ZNF398: variants seen among roughly 807,000 people sequenced by gnomAD.
The protein encoded by ZNF398 is zinc finger protein 398, also known as zinc finger DNA binding protein ZER6.
A neutral mutation model predicts 41.9 loss-of-function variants in ZNF398; 18 were observed. The ratio of observed to expected loss-of-function variants is 0.43; its 90% CI spans 0.30 to 0.64. ZNF398 has a LOEUF of 0.64. Ranked by LOEUF, ZNF398 falls within the 30% of genes least tolerant of loss-of-function variation. ZNF398 has a pLI of 0.14. For missense variants in ZNF398, 669 were observed against 822.8 expected (o/e 0.81, Z 2.29); for synonymous variants, 260 against 308.8 (o/e 0.84, Z 1.66).
At position 149,161,778 on chromosome 7, in the gene ZNF398, A is replaced by G. The variant is rs566396283; in HGVS notation, c.421-4380A>G. On this transcript the variant is annotated intron_variant, in intron 2 of 5. Transcript: ENST00000475153. ...GAATTAGTAGAAAAGCTAAGGACTT[A>G]GAAGAAATGAAGCTGCAGGTAATTA... Among the ~76,000 whole-genome samples, 10 of 151,536 alleles carry G rather than the reference A, an allele frequency of 6.6e-5. 1 individual carries two copies. In the East Asian group the frequency reaches 1.2e-3, roughly 18 times the overall value.
chr7:149,178,734 G>A lies in ZNF398; in HGVS notation c.862G>A (p.Ala288Thr), dbSNP rs1436163185. ...VPVPFSSPPA[A>T]AKDAFSDVAF... is the part of the protein sequence containing the mutation. ...AGTCCCTTTCTCTTCTCCACCAGCAGCAGCAAAGGATGCTTTTTCAGATGT... is the reference window on the plus strand; with the variant it reads ...AGTCCCTTTCTCTTCTCCACCAGCAACAGCAAAGGATGCTTTTTCAGATGT... The change falls in exon 6 of 6, where the codon GCA becomes ACA. Residue 288 changes from alanine to threonine, a missense_variant. This residue lies in a region of ZNF398 where 290 missense variants were observed against 292.9 expected (regional missense o/e 0.99). Transcript: ENST00000475153. 8 of 1,614,088 alleles carry A rather than the reference G, an allele frequency of 5.0e-6. No homozygotes were observed. Among genetic ancestry groups the A allele is most frequent in the South Asian group, 3.3e-5 (3 of 91,082 alleles).
intron 2 of ZNF398, among the ~76,000 whole-genome samples, chr7:149,159,263 G>T (rs1795048729): frequency 6.6e-6 from 1 of 151,476 alleles, no homozygotes; most frequent in South Asian, 2.1e-4. Flanking sequence ...ATTTCTTAAT[G>T]AAATTAAAAT....
intron 2 of ZNF398, among the ~76,000 whole-genome samples, chr7:149,136,543 A>T (rs1176447663): frequency 6.6e-6 from 1 of 152,132 alleles, no homozygotes; most frequent in Non-Finnish European, 1.5e-5. Context: ...ATTTGTTGAA[A>T]AACTTTTTCT....
rs1794920319 is a variant in ZNF398, at chr7:149,154,171, C to T, written c.251C>T (p.Thr84Ile). 1 of 1,614,150 alleles carries T rather than the reference C, an allele frequency of 6.2e-7. No homozygotes were observed. The highest frequency in any genetic ancestry group is 8.5e-7 in the Non-Finnish European group (1 of 1,180,030). Residue 84 changes from threonine to isoleucine, a missense_variant, in exon 2 of 6, where the codon ACA (threonine) becomes ATA (isoleucine). By Grantham distance (89) the Thr-to-Ile change is moderately conservative. Coordinates refer to ENST00000475153, the MANE Select transcript of ZNF398 (RefSeq NM_170686.3). ...AAGAAACTAGCCAGCTGTGAAAAGA[C>T]AGTTACCGAGCTTGGGAACCAGCTG... Reference protein sequence around the residue: ...AEKKLASCEKTVTELGNQLEG... With the variant: ...AEKKLASCEKIVTELGNQLEG...
At chr7:149,164,330 C>T (rs1451817078) in intron 2 of ZNF398, among the ~76,000 whole-genome samples, 1 of 151,616 alleles carries the variant, frequency 6.6e-6, no homozygotes, top group Non-Finnish European at 1.5e-5. Context: ...GGGCGTGAAC[C>T]CGGGAGGCAG....
chr7:149,168,890 T>C (rs992101174), intron 4 of ZNF398, among the ~76,000 whole-genome samples: 2 of 152,270 alleles, frequency 1.3e-5, no homozygotes, highest in South Asian at 2.1e-4. Flanking sequence ...TGATTGCATT[T>C]AGTCAGTGTA....
intron 5 of ZNF398, among the ~76,000 whole-genome samples, chr7:149,178,057 C>T (rs1001932680): frequency 7.2e-5 from 11 of 151,776 alleles, no homozygotes; most frequent in African/African-American, 2.2e-4. Context: ...TTTGGGAGGC[C>T]GAGGTGGGTG....
chr7:149,159,474 G>C (rs577077232), intron 2 of ZNF398, among the ~76,000 whole-genome samples: 1 of 151,320 alleles, frequency 6.6e-6, no homozygotes, highest in Admixed American at 6.6e-5. Context: ...GTGAAACCCC[G>C]TCTCTACTAA....
Position 149,179,365 on chromosome 7 carries a change from T to A in ZNF398, c.1493T>A (p.Leu498Gln), listed in dbSNP as rs1405940033. The A allele has an allele frequency of 6.2e-7, 1 of 1,612,084 alleles. No homozygotes were observed. Among genetic ancestry groups the A allele is most frequent in the Non-Finnish European group, 8.5e-7 (1 of 1,179,620 alleles). ...ATTGACTTCAACGGCCACTCGGCCC[T>A]GATCCGCCACCAGATGATCCACACA... The part of the protein sequence containing the change: ...CGIDFNGHSA[L>Q]IRHQMIHTGE... Residue 498 changes from leucine to glutamine, a missense_variant, in exon 6 of 6, where the codon CTG becomes CAG. Around this residue, in one of 3 missense-constraint regions of ZNF398, gnomAD observed 210 missense variants for 290.4 expected, o/e 0.72. Transcript: ENST00000475153. The surrounding 1 kb of genome is among the most constrained non-coding windows in gnomAD (Gnocchi z 6.1).
chr7:149,145,670 C>G (rs1455185064), upstream of ZNF398, among the ~76,000 whole-genome samples: 2 of 152,172 alleles, frequency 1.3e-5, no homozygotes, highest in Non-Finnish European at 2.9e-5. Context: ...CCTTGTACCA[C>G]GATTTCACCA....
At chr7:149,142,679 C>CAAAG (rs1343231936), upstream of ZNF398, among the ~76,000 whole-genome samples, 114 of 152,178 alleles carry the variant, frequency 7.5e-4, no homozygotes, top group African/African-American at 2.5e-3. Context: ...AACAAACAAA[C>CAAAG]AAACAAAAAA....
intron 4 of ZNF398, among the ~76,000 whole-genome samples, chr7:149,172,915 A>T (rs1353934699): frequency 6.6e-6 from 1 of 152,152 alleles, no homozygotes; most frequent in Non-Finnish European, 1.5e-5. Context: ...GCAATAAATT[A>T]TGTCTAAAAA....
upstream of ZNF398, among the ~76,000 whole-genome samples, chr7:149,145,062 C>T (rs544828471): frequency 2.0e-5 from 3 of 152,228 alleles, no homozygotes; most frequent in South Asian, 2.1e-4. Context: ...TCCCAAATTA[C>T]GGACTGCATA....
At chr7:149,128,528 C>T (rs1826531275) in intron 1 of ZNF398, among the ~76,000 whole-genome samples, 2 of 151,936 alleles carry the variant, frequency 1.3e-5, no homozygotes, top group Admixed American at 1.3e-4. Context: ...AGTAGGATTG[C>T]CTGAGCACAG....
In ZNF398 at chr7:149,165,213, C is replaced by T. The variant is rs573570055; in HGVS notation, c.421-945C>T. ...GTTACCTCACTTGCAGAGTTCGAAC[C>T]GAATGCTGAAAGAAACGATGGAGAC... On this transcript the variant is annotated intron_variant, in intron 2 of 5. Coordinates refer to ENST00000475153, the MANE Select transcript of ZNF398 (RefSeq NM_170686.3). Among the ~76,000 whole-genome samples the T allele has an allele frequency of 2.6e-5, 4 of 152,090 alleles. 1 individual carries two copies. The South Asian group carries it at 6.2e-4, about 24-fold the overall frequency.
intron 4 of ZNF398, among the ~76,000 whole-genome samples, chr7:149,173,091 C>CTTTTTTTTTTTTT (rs1795382614): frequency 4.5e-5 from 3 of 67,192 alleles, no homozygotes; most frequent in African/African-American, 1.6e-4. Flanking sequence ...GTGGCAATTT[C>CTTTTTTTTTTTTT]TATTTTTTTT....
At chr7:149,130,956 G>A (rs1460177041) in intron 2 of ZNF398, among the ~76,000 whole-genome samples, 1 of 152,192 alleles carries the variant, frequency 6.6e-6, no homozygotes, top group Non-Finnish European at 1.5e-5. Context: ...GAAGCAGGTG[G>A]TGGGTTAGGC....
chr7:149,139,184 A>G (rs1340666374), intron 2 of ZNF398, among the ~76,000 whole-genome samples: 3 of 151,998 alleles, frequency 2.0e-5, no homozygotes, highest in African/African-American at 7.2e-5. Flanking sequence ...TGCTGGGATT[A>G]TAGGCACAAG....
chr7:149,145,509 G>C (rs1270275158), upstream of ZNF398, among the ~76,000 whole-genome samples: 1 of 152,108 alleles, frequency 6.6e-6, no homozygotes. Flanking sequence ...CTGTAGACAG[G>C]ATCTCTGACA....
Sources: gnomAD v4.1 joint callset for allele counts (sites outside exome capture counted in the v4.1 genomes callset) on GRCh38, gnomAD v4.1.1 for gene constraint, gnomAD v4.1.1 regional missense constraint, Gnocchi (gnomAD v3.1) non-coding constraint, MANE v1.5 for transcripts, NCBI Gene and HGNC (gene_info 2026-07-23, HGNC 2026-07-21) for gene names.